Variants in FHIP1A observed in about 807,000 individuals in gnomAD.
The protein encoded by FHIP1A is FHF complex subunit HOOK-interacting protein 1A.
FHIP1A carries 61 observed loss-of-function variants against 88.6 expected under a neutral mutation model. The ratio of observed to expected loss-of-function variants is 0.69; its 90% CI spans 0.56 to 0.85. The LOEUF (loss-of-function observed/expected upper bound fraction) is 0.85. Ranked by LOEUF, FHIP1A falls within the 40% of genes least tolerant of loss-of-function variation. FHIP1A has a pLI of 0.00. For missense variants in FHIP1A, 1,154 were observed against 1,273.5 expected (o/e 0.91, Z 1.43); for synonymous variants, 478 against 496.0 (o/e 0.96, Z 0.48).
At chr4:151,442,153 A>G (rs958615041) in intron 1 of FHIP1A, among the ~76,000 whole-genome samples, 5 of 152,186 alleles carry the variant, frequency 3.3e-5, no homozygotes, top group Non-Finnish European at 7.4e-5. Flanking sequence ...GAATGCTGAC[A>G]GAATGACAGG....
At chr4:151,508,097 G>A (rs1033886262) in intron 3 of FHIP1A, among the ~76,000 whole-genome samples, 1 of 152,208 alleles carries the variant, frequency 6.6e-6, no homozygotes, top group Admixed American at 6.5e-5. Flanking sequence ...GTTTATAAAA[G>A]GTTTGGAAGA....
chr4:151,475,947 C>T lies in FHIP1A; in HGVS notation c.-247-6577C>T, dbSNP rs192393521. 1.3e-4 allele frequency among the ~76,000 whole-genome samples: 19 copies of T among 151,016 alleles called. No individual in the cohort carries two copies. The East Asian group carries it at 1.4e-3, about 11-fold the overall frequency. The stretch of plus-strand genomic sequence containing the variant: ...CATAGTCTTGGCTCACTGCAGCCTC[C>T]GCCTCCCGTGTTCAAGCAATTCTCC... On this transcript the variant is annotated intron_variant, in intron 2 of 13. Coordinates refer to ENST00000435205, the MANE Select transcript of FHIP1A (RefSeq NM_001109977.3).
intron 7 of FHIP1A, among the ~76,000 whole-genome samples, chr4:151,628,336 C>G (rs894105343): frequency 1.3e-5 from 2 of 152,174 alleles, no homozygotes; most frequent in East Asian, 3.9e-4. Context: ...GCTCATCTAT[C>G]CAGAAGAAAG....
chr4:151,626,708 T>A (rs922138368), intron 7 of FHIP1A, among the ~76,000 whole-genome samples: 1 of 152,232 alleles, frequency 6.6e-6, no homozygotes, highest in African/African-American at 2.4e-5. Flanking sequence ...CCTGCAATTC[T>A]TTATAAAACA....
chr4:151,463,957 C>G (rs1178692733), intron 2 of FHIP1A, among the ~76,000 whole-genome samples: 1 of 152,216 alleles, frequency 6.6e-6, no homozygotes, highest in Non-Finnish European at 1.5e-5. Flanking sequence ...TCCTACCAGA[C>G]ATGAATATGA....
intron 3 of FHIP1A, chr4:151,534,552 A>T (rs1248989840): frequency 6.6e-6 from 1 of 152,258 alleles, no homozygotes; most frequent in Non-Finnish European, 1.5e-5. Flanking sequence ...AGTTCTGCAG[A>T]GATGATTTTT....
chr4:151,579,138 G>A (rs1733928479), intron 5 of FHIP1A, among the ~76,000 whole-genome samples: 1 of 152,124 alleles, frequency 6.6e-6, no homozygotes, highest in South Asian at 2.1e-4. Flanking sequence ...GAATTTTATG[G>A]CAGTCAAATT....
intron 3 of FHIP1A, among the ~76,000 whole-genome samples, chr4:151,554,157 G>A (rs866102644): frequency 6.6e-6 from 1 of 152,124 alleles, no homozygotes; most frequent in Admixed American, 6.5e-5. Flanking sequence ...TGGGGATGAC[G>A]CCCTACCTCA....
intron 5 of FHIP1A, among the ~76,000 whole-genome samples, chr4:151,579,721 G>A (rs1038389540): frequency 2.6e-5 from 4 of 152,194 alleles, no homozygotes; most frequent in Non-Finnish European, 5.9e-5. Context: ...TCTACAGCTT[G>A]TAGATAGTGT....
chr4:151,469,360 G>A (rs557557109), intron 2 of FHIP1A, among the ~76,000 whole-genome samples: 1 of 152,314 alleles, frequency 6.6e-6, no homozygotes, highest in East Asian at 1.9e-4. Context: ...CAATAGTAAT[G>A]CATTTGGATA....
intron 3 of FHIP1A, among the ~76,000 whole-genome samples, chr4:151,521,908 T>G (rs984177314): frequency 2.6e-5 from 4 of 152,078 alleles, no homozygotes; most frequent in Non-Finnish European, 5.9e-5. Context: ...AAATTTTTTG[T>G]GGAGATGGGG....
intron 7 of FHIP1A, among the ~76,000 whole-genome samples, chr4:151,614,662 T>G (rs143745145): frequency 1.4e-3 from 209 of 152,266 alleles, no homozygotes; most frequent in African/African-American, 4.8e-3. Flanking sequence ...TGTGTCTAAA[T>G]GACTCCATTT....
intron 3 of FHIP1A, among the ~76,000 whole-genome samples, chr4:151,483,083 A>G (rs1729956525): frequency 1.3e-5 from 2 of 152,140 alleles, no homozygotes; most frequent in Non-Finnish European, 2.9e-5. Context: ...CTACGAAGTG[A>G]CTGAGTTTCA....
At position 151,656,495 on chromosome 4, in the gene FHIP1A, CA is replaced by C; in HGVS notation, c.2730+90del. ...ATCTATTTCTCTTTATTTTGTTTTTCAAAAATTCCTTTGCTCTAATTCATTT... is the reference window on the plus strand; with the variant it reads ...ATCTATTTCTCTTTATTTTGTTTTTCAAAATTCCTTTGCTCTAATTCATTT... On this transcript the variant is annotated intron_variant, in intron 12 of 13. Transcript: ENST00000435205. The surrounding 1 kb of genome is among the most constrained non-coding windows in gnomAD (Gnocchi z 4.2). 4.4e-6 allele frequency: 6 copies of C among 1,376,116 alleles called. No homozygotes were observed. The highest frequency in any genetic ancestry group is 5.9e-6 in the Non-Finnish European group (6 of 1,010,808). The allele number at this position is 1,376,116 out of a possible 1,614,324, so 85.2% of individuals were successfully genotyped here. A position where few individuals can be genotyped will look rare whatever the true frequency, so the allele number is the denominator to read the frequency against.
At chr4:151,451,188 T>C (rs1225221027) in intron 1 of FHIP1A, among the ~76,000 whole-genome samples, 1 of 152,064 alleles carries the variant, frequency 6.6e-6, no homozygotes, top group Non-Finnish European at 1.5e-5. Context: ...TTTTTGGGGG[T>C]TTTCATCTTT....
chr4:151,520,400 T>C (rs1560745205), intron 3 of FHIP1A, among the ~76,000 whole-genome samples: 1 of 152,158 alleles, frequency 6.6e-6, no homozygotes, highest in Non-Finnish European at 1.5e-5. Flanking sequence ...CTCTTTCTGT[T>C]CTATTGATCT....
chr4:151,568,438 G>C (rs1024280653), intron 4 of FHIP1A, among the ~76,000 whole-genome samples: 3 of 152,098 alleles, frequency 2.0e-5, no homozygotes, highest in Non-Finnish European at 4.4e-5. Context: ...AATAAATCTG[G>C]AAAATGCTCT....
chr4:151,655,275 T>C (rs1448719202), intron 11 of FHIP1A, among the ~76,000 whole-genome samples: 2 of 152,186 alleles, frequency 1.3e-5, no homozygotes, highest in Non-Finnish European at 2.9e-5. Context: ...CAGAACACTT[T>C]TATGGTAAAA....
intron 7 of FHIP1A, among the ~76,000 whole-genome samples, chr4:151,609,200 T>A (rs529210884): frequency 6.6e-6 from 1 of 152,226 alleles, no homozygotes; most frequent in African/African-American, 2.4e-5. Flanking sequence ...AAGATACCAC[T>A]GTTCTACCTC....
Sources: gnomAD v4.1 joint callset for allele counts (sites outside exome capture counted in the v4.1 genomes callset) on GRCh38, gnomAD v4.1.1 for gene constraint, Gnocchi (gnomAD v3.1) non-coding constraint, MANE v1.5 for transcripts, NCBI Gene and HGNC (gene_info 2026-07-23, HGNC 2026-07-21) for gene names.